Variants in HGSNAT observed in about 807,000 individuals in gnomAD.
The protein encoded by HGSNAT is heparan-alpha-glucosaminide N-acetyltransferase.
A neutral mutation model predicts 85.2 loss-of-function variants in HGSNAT; 59 were observed. That is an observed-to-expected ratio of 0.69 (90% CI 0.56 to 0.86). The LOEUF (loss-of-function observed/expected upper bound fraction) is 0.86, where lower values mean the gene tolerates loss of function less well. Among genes scored for constraint, HGSNAT ranks in the 40% least tolerant of loss-of-function variants. The pLI, the probability that HGSNAT is intolerant of heterozygous loss-of-function variation, is 0.00. For synonymous variants in HGSNAT, 321 were observed against 304.5 expected (o/e 1.05, Z -0.56); for missense variants, 756 against 777.1 (o/e 0.97, Z 0.32).
Position 43,199,749 on chromosome 8 carries a change from CCTGT to C in HGSNAT, c.*183_*186del, listed in dbSNP as rs747535660. 1.2e-4 allele frequency: 51 copies of C among 415,528 alleles called. No homozygotes were observed. Among genetic ancestry groups the C allele is most frequent in the Non-Finnish European group, 1.8e-4 (44 of 238,232 alleles). 25.7% of individuals were successfully genotyped at this position (415,528 alleles called of 1,614,324 possible). ...TGTGACACGGCTCGCCAGAACTCTGCCTGTCTATTTGTGACTTACAGATTTGAAA... is the reference window on the plus strand; with the variant it reads ...TGTGACACGGCTCGCCAGAACTCTGCCTATTTGTGACTTACAGATTTGAAA... On this transcript the variant is annotated 3_prime_UTR_variant, in exon 18 of 18. Transcript: ENST00000379644.
In HGSNAT at chr8:43,191,538, T is replaced by C. The variant is rs1804529071; in HGVS notation, c.1193T>C (p.Val398Ala). ...SSWPQWLLIL[V>A]LEGLWLGLTF... ...TGGCCCCAGTGGCTGCTCATCCTGG[T>C]GCTGGAAGGCCTGTGGCTGGGCTTG... The change falls in exon 12 of 18, where the codon GTG (valine) becomes GCG (alanine). Residue 398 changes from valine (V) to alanine (A), a missense_variant. By Grantham distance (64) the Val-to-Ala change is moderately conservative. Transcript: ENST00000379644. The C allele has an allele frequency of 2.5e-6, 4 of 1,614,032 alleles. No homozygotes were observed. The highest frequency in any genetic ancestry group is 3.4e-6 in the Non-Finnish European group (4 of 1,179,894).
chr8:43,146,400 A>G (rs899537201), intron 1 of HGSNAT, among the ~76,000 whole-genome samples: 36 of 152,348 alleles, frequency 2.4e-4, no homozygotes, highest in African/African-American at 8.7e-4. Context: ...CTGCCTGGCT[A>G]CAATCGCAGC....
Position 43,169,672 on chromosome 8 carries a change from G to A in HGSNAT, c.633+430G>A, listed in dbSNP as rs1355446460. Among the ~76,000 whole-genome samples the A allele has an allele frequency of 5.3e-5, 8 of 152,204 alleles. No individual in the cohort carries two copies. In the South Asian group the frequency reaches 1.2e-3, roughly 24 times the overall value. On this transcript the variant is annotated intron_variant, in intron 6 of 17. Coordinates refer to ENST00000379644, the MANE Select transcript of HGSNAT (RefSeq NM_152419.3). ...TATGGGGATGTTGGCTTCTGTGCTT[G>A]TGCTAGATGCACTTACGACTAGTTT...
chr8:43,145,566 T>G (rs778692374), intron 1 of HGSNAT, among the ~76,000 whole-genome samples: 28 of 152,124 alleles, frequency 1.8e-4, no homozygotes, highest in Non-Finnish European at 3.2e-4. Context: ...TCCTGGCCAA[T>G]GTGGTGAAAC....
intron 2 of HGSNAT, among the ~76,000 whole-genome samples, chr8:43,158,209 C>T (rs1803154166): frequency 6.6e-6 from 1 of 152,166 alleles, no homozygotes; most frequent in African/African-American, 2.4e-5. Context: ...AGCGATTCTC[C>T]TGCCTCAGCC....
chr8:43,182,054 T>G, intron 10 of HGSNAT, 91 bp from the exon 11 acceptor site: 1 of 924,510 alleles, frequency 1.1e-6, no homozygotes, highest in Non-Finnish European at 1.8e-6. Flanking sequence ...GCAATATAGG[T>G]ATGTCTTCCC....
intron 17 of HGSNAT, among the ~76,000 whole-genome samples, chr8:43,199,060 C>T (rs1804829853): frequency 1.3e-5 from 2 of 152,144 alleles, no homozygotes; most frequent in Admixed American, 1.3e-4. Context: ...CCCCACCACG[C>T]CCGGCTAATT....
chr8:43,183,942 A>G (rs1804220426), intron 11 of HGSNAT, among the ~76,000 whole-genome samples: 1 of 152,158 alleles, frequency 6.6e-6, no homozygotes, highest in Non-Finnish European at 1.5e-5. Flanking sequence ...AGCTTCATCC[A>G]TGTCCCTACA....
intron 2 of HGSNAT, among the ~76,000 whole-genome samples, chr8:43,149,668 C>A (rs1370091402): frequency 6.6e-6 from 1 of 151,612 alleles, no homozygotes; most frequent in Non-Finnish European, 1.5e-5. Context: ...CCACTGTACT[C>A]CAGCCTGGGC....
At chr8:43,148,614 C>A (rs1364870088) in intron 2 of HGSNAT, among the ~76,000 whole-genome samples, 1 of 147,610 alleles carries the variant, frequency 6.8e-6, no homozygotes, top group African/African-American at 2.5e-5. Flanking sequence ...ATGGTGAAAC[C>A]CCATCTCTAT....
intron 5 of HGSNAT, among the ~76,000 whole-genome samples, chr8:43,162,874 T>C (rs1662293313): frequency 6.6e-6 from 1 of 152,114 alleles, no homozygotes; most frequent in African/African-American, 2.4e-5. Context: ...CTGGTCATAT[T>C]ACATGACTTT....
Position 43,173,760 on chromosome 8 carries a change from C to A in HGSNAT, c.851+17C>A. On this transcript the variant is annotated intron_variant, in intron 9 of 17. Transcript: ENST00000379644. The stretch of plus-strand genomic sequence containing the variant: ...GTTCCCGTGGTGAGTTGCCGGTCTG[C>A]CCTCTTCTCTTCCACGGGTTGACTC... The A allele has an allele frequency of 6.2e-7, 1 of 1,609,922 alleles. No individual in the cohort carries two copies.
At chr8:43,150,262 T>C (rs1383314161) in intron 2 of HGSNAT, among the ~76,000 whole-genome samples, 2 of 151,956 alleles carry the variant, frequency 1.3e-5, no homozygotes, top group East Asian at 3.9e-4. Context: ...CAACATTTAG[T>C]TTTTTATAAG....
intron 17 of HGSNAT, 126 bp from the exon 18 acceptor site, chr8:43,199,262 G>T: frequency 4.8e-6 from 3 of 624,760 alleles, no homozygotes; most frequent in Non-Finnish European, 5.4e-6. Context: ...CTTATTTTTG[G>T]CAGTAGCCAA....
intron 17 of HGSNAT, among the ~76,000 whole-genome samples, chr8:43,198,841 T>G (rs1418629812): frequency 6.6e-6 from 1 of 152,224 alleles, no homozygotes; most frequent in Non-Finnish European, 1.5e-5. Flanking sequence ...ATAATAATTT[T>G]AGCTTTCCTT....
In HGSNAT at chr8:43,195,071, T is replaced by A. The variant is rs535949789; in HGVS notation, c.1464+1228T>A. Among the ~76,000 whole-genome samples the A allele has an allele frequency of 2.0e-5, 3 of 152,288 alleles. No individual in the cohort carries two copies. In the East Asian group the frequency reaches 5.8e-4, roughly 29 times the overall value. ...GGAGTGTGACTGAGGAACTGAATTT[T>A]AAATTTTACTTAATATGATTTTAAA... On this transcript the variant is annotated intron_variant, in intron 14 of 17. Transcript: ENST00000379644.
At chr8:43,166,727 G>A (rs936507390) in intron 5 of HGSNAT, among the ~76,000 whole-genome samples, 4 of 152,196 alleles carry the variant, frequency 2.6e-5, no homozygotes, top group South Asian at 4.1e-4. Flanking sequence ...CATGGATCAA[G>A]GAGTAATATT....
chr8:43,149,753 C>T (rs1476769241), intron 2 of HGSNAT, among the ~76,000 whole-genome samples: 2 of 151,482 alleles, frequency 1.3e-5, no homozygotes, highest in African/African-American at 4.9e-5. Flanking sequence ...TTATAGGAGA[C>T]ACAAGTATGC....
Position 43,191,363 on chromosome 8 carries a change from C to G in HGSNAT, c.1129-111C>G, listed in dbSNP as rs915077561. 3 of 1,342,318 alleles carry G rather than the reference C, an allele frequency of 2.2e-6. No individual in the cohort carries two copies. The African/African-American group carries it at 4.3e-5, about 19-fold the overall frequency. 83.2% of individuals were successfully genotyped at this position (1,342,318 alleles called of 1,614,324 possible). On this transcript the variant is annotated intron_variant, in intron 11 of 17. Transcript: ENST00000379644. ...ACGTAGTCAGTAAGTTTTTGTATTA[C>G]TGCCAAAAAGGCCAAGAAATGAGTC...
Sources: gnomAD v4.1 joint callset for allele counts (sites outside exome capture counted in the v4.1 genomes callset) on GRCh38, gnomAD v4.1.1 for gene constraint, MANE v1.5 for transcripts, NCBI Gene and HGNC (gene_info 2026-07-23, HGNC 2026-07-21) for gene names.